Variants in XKR6 observed in about 807,000 individuals in gnomAD.
The protein encoded by XKR6 is XK-related protein 6.
A neutral mutation model predicts 56.7 loss-of-function variants in XKR6; 22 were observed. That is an observed-to-expected ratio of 0.39 (90% CI 0.28 to 0.55). The LOEUF is 0.55. XKR6 is among the 20% of genes least tolerant of loss of function. The probability of loss-of-function intolerance (pLI) is 0.66; values close to 1 mark genes in which losing one functional copy is unlikely to be tolerated. For synonymous variants in XKR6, 524 were observed against 387.8 expected (o/e 1.35, Z -4.13); for missense variants, 852 against 889.0 (o/e 0.96, Z 0.53).
At chr8:11,182,610 G>A (rs1380656237) in intron 1 of XKR6, among the ~76,000 whole-genome samples, 3 of 152,232 alleles carry the variant, frequency 2.0e-5, no homozygotes, top group African/African-American at 7.2e-5. Flanking sequence ...AGTCCTAAGT[G>A]AGGAAGAGAA....
At chr8:11,153,220 T>G (rs13248014) in intron 1 of XKR6, among the ~76,000 whole-genome samples, 34,585 of 152,096 alleles carry the variant, frequency 0.23, 4,653 homozygotes, top group Non-Finnish European at 0.3. Flanking sequence ...AATGGTTCCT[T>G]CAGATAACTA....
At chr8:11,151,680 T>A (rs1348497970) in intron 1 of XKR6, among the ~76,000 whole-genome samples, 3 of 151,694 alleles carry the variant, frequency 2.0e-5, no homozygotes, top group African/African-American at 7.3e-5. Flanking sequence ...GATCCATTTG[T>A]CAGTCTTTGA....
At chr8:10,984,714 C>CTG (rs1586391778) in intron 1 of XKR6, among the ~76,000 whole-genome samples, 2 of 86,534 alleles carry the variant, frequency 2.3e-5, no homozygotes, top group East Asian at 4.2e-4. Flanking sequence ...CTCTCTCTCT[C>CTG]TCTCTCTCTC....
At chr8:11,035,180 C>T (rs748458684) in intron 1 of XKR6, 8 of 534,500 alleles carry the variant, frequency 1.5e-5, no homozygotes, top group Non-Finnish European at 2.3e-5. Context: ...CCCAGCCCAG[C>T]GTGGGTGCAA....
chr8:11,068,479 T>C lies in XKR6; in HGVS notation c.764+132097A>G, dbSNP rs144674013. Among the ~76,000 whole-genome samples the C allele has an allele frequency of 1.2e-3, 190 of 152,312 alleles. 1 individual carries two copies. The highest frequency in any genetic ancestry group is 4.5e-3 in the African/African-American group (186 of 41,556). On this transcript the variant is annotated intron_variant, in intron 1 of 2. Coordinates refer to ENST00000416569, the MANE Select transcript of XKR6 (RefSeq NM_173683.4). ...CATTTCCCATTTTTTTCTTGCCCTG[T>C]TTTCCCTGCCATCTACTAAAATCCC...
chr8:11,077,950 C>T (rs983775815), intron 1 of XKR6, among the ~76,000 whole-genome samples: 10 of 152,190 alleles, frequency 6.6e-5, no homozygotes, highest in African/African-American at 1.9e-4. Flanking sequence ...GCCGGGCTGG[C>T]CCTGCTGGGC....
At chr8:11,001,958 G>C (rs1228149136) in intron 1 of XKR6, among the ~76,000 whole-genome samples, 1 of 151,816 alleles carries the variant, frequency 6.6e-6, no homozygotes, top group Non-Finnish European at 1.5e-5. Context: ...CTTCCTTCCA[G>C]CAGACCTCAG....
Position 11,086,439 on chromosome 8 carries a change from A to C in XKR6, c.764+114137T>G, listed in dbSNP as rs112663026. On this transcript the variant is annotated intron_variant, in intron 1 of 2. Coordinates refer to ENST00000416569, the MANE Select transcript of XKR6 (RefSeq NM_173683.4). The stretch of plus-strand genomic sequence containing the variant: ...CAGCCTTCAGCAGAGGTGGGCTTTC[A>C]ACACGGAGACGCTCATCAGCCTCAC... 3.9e-3 allele frequency among the ~76,000 whole-genome samples: 587 copies of C among 152,248 alleles called. 4 individuals are homozygous for C. The highest frequency in any genetic ancestry group is 0.017 in the Middle Eastern group (5 of 294).
At position 10,923,317 on chromosome 8, in the gene XKR6, T is replaced by C. The variant is rs966408874; in HGVS notation, c.961+1317A>G. Among the ~76,000 whole-genome samples, 3 of 152,272 alleles carry C rather than the reference T, an allele frequency of 2.0e-5. No individual in the cohort carries two copies. In the South Asian group the frequency reaches 6.2e-4, roughly 32 times the overall value. On this transcript the variant is annotated intron_variant, in intron 2 of 2. Transcript: ENST00000416569. Reference sequence around the variant, plus strand: ...CAGCAGGACTGCAGCCAGCATTTTGTGGGATGGACAGATACCCTGGGGCCC... The same window carrying C: ...CAGCAGGACTGCAGCCAGCATTTTGCGGGATGGACAGATACCCTGGGGCCC...
intron 2 of XKR6, among the ~76,000 whole-genome samples, chr8:10,905,516 G>C (rs1800161680): frequency 6.6e-6 from 1 of 152,192 alleles, no homozygotes; most frequent in African/African-American, 2.4e-5. Context: ...GCCATATCCT[G>C]ACATTTGCAT....
chr8:10,911,292 G>GTA (rs200001751), intron 2 of XKR6, among the ~76,000 whole-genome samples: 1,757 of 142,082 alleles, frequency 0.012, 43 homozygotes, highest in African/African-American at 0.042. Context: ...GGGTGAGATT[G>GTA]TATATATATG....
In XKR6 at chr8:11,200,767, G is replaced by A; in HGVS notation, c.573C>T (p.Gly191=). The change falls in exon 1 of 3, where the codon GGC becomes GGT. Residue 191 remains glycine, a synonymous_variant. Coordinates refer to ENST00000416569, the MANE Select transcript of XKR6 (RefSeq NM_173683.4). The surrounding 1 kb of genome is among the most constrained non-coding windows in gnomAD (Gnocchi z 6.4). The part of the protein sequence containing the change: ...FRWFVQDYTG[G]GLGAVEGLTS... The stretch of plus-strand genomic sequence containing the variant: ...TGAGCCCCTCCACGGCGCCCAGCCC[G>A]CCGCCCGTGTAGTCCTGCACGAACC... The A allele has an allele frequency of 1.2e-6, 2 of 1,600,912 alleles. No homozygotes were observed. The highest frequency in any genetic ancestry group is 1.1e-5 in the South Asian group (1 of 89,638).
Position 11,086,652 on chromosome 8 carries a change from T to A in XKR6, c.764+113924A>T, listed in dbSNP as rs139122406. The stretch of plus-strand genomic sequence containing the variant: ...AAAGATGCGGTGAGGTTAAGTGACT[T>A]ACCTCAGCTACAAAGTAAACCCCCA... On this transcript the variant is annotated intron_variant, in intron 1 of 2. Coordinates refer to ENST00000416569, the MANE Select transcript of XKR6 (RefSeq NM_173683.4). Among the ~76,000 whole-genome samples, 136 of 152,338 alleles carry A rather than the reference T, an allele frequency of 8.9e-4. No individual in the cohort carries two copies. In the Middle Eastern group the frequency reaches 0.017, roughly 19 times the overall value.
chr8:11,173,343 TAA>T (rs200300227), intron 1 of XKR6, among the ~76,000 whole-genome samples: 2,516 of 137,836 alleles, frequency 0.018, 62 homozygotes, highest in African/African-American at 0.064. Flanking sequence ...GACTCCGCCT[TAA>T]AAAAAATATA....
At chr8:11,143,905 T>C (rs1351217717) in intron 1 of XKR6, among the ~76,000 whole-genome samples, 1 of 152,112 alleles carries the variant, frequency 6.6e-6, no homozygotes, top group Non-Finnish European at 1.5e-5. Context: ...AGGTCTCAAA[T>C]GGGTTGTTTT....
At chr8:11,109,114 G>A (rs1182861135) in intron 1 of XKR6, 1 of 152,202 alleles carries the variant, frequency 6.6e-6, no homozygotes, top group Admixed American at 6.5e-5. Context: ...GACACATACT[G>A]AAACGCTTTT....
intron 1 of XKR6, among the ~76,000 whole-genome samples, chr8:10,983,981 A>T (rs59845900): frequency 0.04 from 6,067 of 152,190 alleles, 389 homozygotes; most frequent in African/African-American, 0.14. Context: ...TAAAACTAGC[A>T]TCACATTGAC....
chr8:11,110,489 A>G (rs1269370499), intron 1 of XKR6, among the ~76,000 whole-genome samples: 1 of 152,194 alleles, frequency 6.6e-6, no homozygotes, highest in African/African-American at 2.4e-5. Context: ...CAATAAACGA[A>G]TACACGAACA....
intron 1 of XKR6, among the ~76,000 whole-genome samples, chr8:11,133,947 G>A (rs1800249095): frequency 6.6e-6 from 1 of 152,104 alleles, no homozygotes; most frequent in African/African-American, 2.4e-5. Flanking sequence ...TTCATGAGCT[G>A]GTCTCTTATG....
Sources: gnomAD v4.1 joint callset for allele counts (sites outside exome capture counted in the v4.1 genomes callset) on GRCh38, gnomAD v4.1.1 for gene constraint, Gnocchi (gnomAD v3.1) non-coding constraint, MANE v1.5 for transcripts, NCBI Gene and HGNC (gene_info 2026-07-23, HGNC 2026-07-21) for gene names.